Variants in CEMIP observed in about 807,000 individuals in gnomAD.
The protein encoded by CEMIP is cell migration inducing hyaluronidase 1.
In CEMIP, 105 loss-of-function variants were observed where a neutral mutation model predicts 156.9. That is an observed-to-expected ratio of 0.67 (90% CI 0.57 to 0.79). The LOEUF is 0.79. Among genes scored for constraint, CEMIP ranks in the 30% least tolerant of loss-of-function variants. The pLI is 0.00. For synonymous variants in CEMIP, 676 were observed against 668.4 expected, an observed-to-expected ratio of 1.01 and a Z score of -0.17; for missense variants, 1,457 against 1,769.4, an observed-to-expected ratio of 0.82 and a Z score of 3.17.
At chr15:80,888,161 G>A (rs1357941287) in intron 8 of CEMIP, among the ~76,000 whole-genome samples, 1 of 151,580 alleles carries the variant, frequency 6.6e-6, no homozygotes, top group Non-Finnish European at 1.5e-5. Context: ...TCAGGAGTTC[G>A]AAACCACCCT....
chr15:80,870,395 G>A (rs1368454412), intron 1 of CEMIP, among the ~76,000 whole-genome samples: 5 of 152,120 alleles, frequency 3.3e-5, no homozygotes, highest in Non-Finnish European at 7.4e-5. Context: ...ACAGATCCTA[G>A]CTTCTGTAGC....
At chr15:80,883,040 T>G (rs751349248) in intron 6 of CEMIP, among the ~76,000 whole-genome samples, 8 of 152,150 alleles carry the variant, frequency 5.3e-5, no homozygotes, top group Non-Finnish European at 8.8e-5. Flanking sequence ...TGCCAACAGT[T>G]GGAAACAAGT....
chr15:80,883,720 C>T (rs1898739465), intron 6 of CEMIP, among the ~76,000 whole-genome samples: 1 of 152,178 alleles, frequency 6.6e-6, no homozygotes, highest in South Asian at 2.1e-4. Flanking sequence ...ATGTCATTTC[C>T]AAGAATTCTG....
chr15:80,906,983 G>C lies in CEMIP; in HGVS notation c.1587+145G>C, dbSNP rs1028884403. ...AGGGCGCCTTCTGGAAGTTTGAGAA[G>C]TCTTATGTATTATCCATTAGTGTGC... On this transcript the variant is annotated intron_variant, in intron 13 of 29. Transcript: ENST00000394685. The surrounding 1 kb of genome is among the most constrained non-coding windows in gnomAD (Gnocchi z 4.3). 10 of 833,836 alleles carry C rather than the reference G, an allele frequency of 1.2e-5. No individual in the cohort carries two copies. Among genetic ancestry groups the C allele is most frequent in the African/African-American group, 3.5e-5 (2 of 57,022 alleles). 51.7% of individuals were successfully genotyped at this position (833,836 alleles called of 1,614,324 possible).
At chr15:80,848,112 T>A (rs1897607934) in intron 1 of CEMIP, among the ~76,000 whole-genome samples, 1 of 152,132 alleles carries the variant, frequency 6.6e-6, no homozygotes, top group Admixed American at 6.5e-5. Flanking sequence ...CCAGATGAAA[T>A]AGAAATTGGG....
intron 1 of CEMIP, among the ~76,000 whole-genome samples, chr15:80,843,354 T>C (rs1297881548): frequency 6.6e-6 from 1 of 152,268 alleles, no homozygotes; most frequent in Non-Finnish European, 1.5e-5. Flanking sequence ...ACTATGAAGC[T>C]GGCACCGTTT....
chr15:80,921,875 T>C, intron 16 of CEMIP, 134 bp from the exon 17 acceptor site: 2 of 1,050,192 alleles, frequency 1.9e-6, no homozygotes, highest in Non-Finnish European at 3.0e-6. Flanking sequence ...GTGTTGGGGG[T>C]GGGCACCGAG....
chr15:80,856,014 G>T (rs2141752241), intron 1 of CEMIP, among the ~76,000 whole-genome samples: 1 of 152,320 alleles, frequency 6.6e-6, no homozygotes. Flanking sequence ...CTTGTACAAA[G>T]GTCTACATAC....
At position 80,922,065 on chromosome 15, in the gene CEMIP, G is replaced by A. The variant is rs765584130; in HGVS notation, c.2130G>A (p.Met710Ile). The A allele has an allele frequency of 5.0e-6, 8 of 1,614,078 alleles. No homozygotes were observed. Among genetic ancestry groups the A allele is most frequent in the Non-Finnish European group, 5.9e-6 (7 of 1,179,992 alleles). ...HHVPTGPSVG[M>I]YSPGYSEHIP... is the part of the protein sequence containing the mutation. The stretch of plus-strand genomic sequence containing the variant: ...TACCAACGGGCCCCTCCGTGGGAAT[G>A]TACTCCCCAGGTTATTCAGAGCACA... The change falls in exon 17 of 30, where the codon ATG (methionine) becomes ATA (isoleucine). Residue 710 changes from methionine to isoleucine, a missense_variant. By Grantham distance (10) the Met-to-Ile change is conservative (BLOSUM62 1). Around this residue, in one of 5 missense-constraint regions of CEMIP, gnomAD observed 798 missense variants for 980.1 expected, o/e 0.81. Coordinates refer to ENST00000394685, the MANE Select transcript of CEMIP (RefSeq NM_001293298.2).
chr15:80,935,657 C>G (rs533234425), intron 23 of CEMIP, among the ~76,000 whole-genome samples: 1 of 152,292 alleles, frequency 6.6e-6, no homozygotes, highest in South Asian at 2.1e-4. Context: ...GTGATTGTCT[C>G]TCTTGGCCAC....
intron 14 of CEMIP, among the ~76,000 whole-genome samples, chr15:80,919,814 C>CA (rs11300537): frequency 1.4e-5 from 2 of 147,050 alleles, no homozygotes; most frequent in African/African-American, 5.0e-5. Context: ...GACTCCATCT[C>CA]AAAAAAAAAA....
In CEMIP at chr15:80,887,768, A is replaced by C; in HGVS notation, c.868+4A>C. 1 of 1,610,110 alleles carries C rather than the reference A, an allele frequency of 6.2e-7. No homozygotes were observed. The highest frequency in any genetic ancestry group is 8.5e-7 in the Non-Finnish European group (1 of 1,176,654). ...GAAGACCATATTGAATATCATGGTAATACATAGCTGGCTGGAGGCCTGATT... is the reference window on the plus strand; with the variant it reads ...GAAGACCATATTGAATATCATGGTACTACATAGCTGGCTGGAGGCCTGATT... On this transcript the variant is annotated splice_donor_region_variant and intron_variant, in intron 8 of 29. Coordinates refer to ENST00000394685, the MANE Select transcript of CEMIP (RefSeq NM_001293298.2).
At chr15:80,838,991 G>A (rs1013274365) in intron 1 of CEMIP, among the ~76,000 whole-genome samples, 1 of 152,212 alleles carries the variant, frequency 6.6e-6, no homozygotes, top group African/African-American at 2.4e-5. Flanking sequence ...GTCACAGGGT[G>A]TCCAGCACTC....
intron 1 of CEMIP, among the ~76,000 whole-genome samples, chr15:80,787,911 T>C (rs1341229185): frequency 6.6e-6 from 1 of 152,196 alleles, no homozygotes; most frequent in Non-Finnish European, 1.5e-5. Flanking sequence ...GCTGATGCCC[T>C]TGGGTGTCTG....
Position 80,925,620 on chromosome 15 carries a change from G to A in CEMIP, c.2289-4G>A. 2.5e-6 allele frequency: 4 copies of A among 1,611,948 alleles called. No homozygotes were observed. Among genetic ancestry groups the A allele is most frequent in the Non-Finnish European group, 2.5e-6 (3 of 1,179,874 alleles). On this transcript the variant is annotated splice_polypyrimidine_tract_variant and splice_region_variant and intron_variant, in intron 18 of 29. Coordinates refer to ENST00000394685, the MANE Select transcript of CEMIP (RefSeq NM_001293298.2). ...CCTGTGCCCTCCCCATGGTTGTGCT[G>A]CAGATACAGCCCTCACCAGGACGCC...
rs773262039 is a variant in CEMIP at position 80,895,993 on chromosome 15, G to A, written c.1344G>A (p.Met448Ile). ...TCATTGCCAGTACTGATTACTCCATGTACCAGGCAGAAGAGTTCCAGGTGC... is the reference window on the plus strand; with the variant it reads ...TCATTGCCAGTACTGATTACTCCATATACCAGGCAGAAGAGTTCCAGGTGC... ...TLVIASTDYS[M>I]YQAEEFQVLP... Residue 448 changes from methionine (M) to isoleucine (I), a missense_variant, in exon 12 of 30, where the codon ATG becomes ATA. Met to Ile is a conservative substitution (Grantham distance 10). Around this residue, in one of 5 missense-constraint regions of CEMIP, gnomAD observed 280 missense variants for 300.3 expected, o/e 0.93. Coordinates refer to ENST00000394685, the MANE Select transcript of CEMIP (RefSeq NM_001293298.2). 7.4e-6 allele frequency: 12 copies of A among 1,614,078 alleles called. No homozygotes were observed. The highest frequency in any genetic ancestry group is 6.8e-6 in the Non-Finnish European group (8 of 1,180,034).
At chr15:80,923,558 G>A (rs1596194435) in intron 17 of CEMIP, among the ~76,000 whole-genome samples, 1 of 152,262 alleles carries the variant, frequency 6.6e-6, no homozygotes, top group East Asian at 1.9e-4. Flanking sequence ...GGGCTCATGG[G>A]TGCAGGTGGG....
chr15:80,906,914 T>C lies in CEMIP; in HGVS notation c.1587+76T>C. The C allele has an allele frequency of 6.7e-7, 1 of 1,485,874 alleles. No individual in the cohort carries two copies. The highest frequency in any genetic ancestry group is 9.2e-7 in the Non-Finnish European group (1 of 1,086,594). The allele number at this position is 1,485,874 out of a possible 1,614,324, so 92.0% of individuals were successfully genotyped here. On this transcript the variant is annotated intron_variant, in intron 13 of 29. Transcript: ENST00000394685. The surrounding 1 kb of genome is among the most constrained non-coding windows in gnomAD (Gnocchi z 4.3). ...GATGTCAGCCTCTAGACGGGCCTTC[T>C]TGGTAGGGATGAGGGTGGGGGAACA...
intron 1 of CEMIP, among the ~76,000 whole-genome samples, chr15:80,790,742 T>C (rs1266378598): frequency 6.6e-6 from 1 of 152,186 alleles, no homozygotes; most frequent in African/African-American, 2.4e-5. Context: ...TAGAACAGTA[T>C]TCATAGAGTT....
Sources: allele counts gnomAD v4.1 joint callset (sites outside exome capture counted in the v4.1 genomes callset), GRCh38; gene constraint gnomAD v4.1.1; regional missense constraint gnomAD v4.1.1; non-coding constraint Gnocchi (gnomAD v3.1); transcripts MANE v1.5; gene names NCBI Gene and HGNC (gene_info 2026-07-23, HGNC 2026-07-21).